The following ADGRA3 variants were observed in gnomAD, a reference collection of about 807,000 sequenced individuals.
ADGRA3 encodes the protein adhesion G protein-coupled receptor A3, also known as G-protein coupled receptor 125.
ADGRA3 carries 56 observed loss-of-function variants against 119.8 expected under a neutral mutation model. The ratio of observed to expected loss-of-function variants is 0.47; its 90% confidence interval spans 0.38 to 0.58. The LOEUF is 0.58. ADGRA3 is among the 20% of genes least tolerant of loss of function. The probability of loss-of-function intolerance (pLI) is 0.00; values close to 1 mark genes in which losing one functional copy is unlikely to be tolerated. For missense variants in ADGRA3, 1,516 were observed against 1,649.0 expected, an observed-to-expected ratio of 0.92 and a Z score of 1.40; for synonymous variants, 607 against 623.8, an observed-to-expected ratio of 0.97 and a Z score of 0.40.
At chr4:22,440,885 A>G in intron 7 of ADGRA3, among the ~76,000 whole-genome samples, 1 of 152,202 alleles carries the variant, frequency 6.6e-6, no homozygotes, top group East Asian at 1.9e-4. Flanking sequence ...ATCATTTCGA[A>G]CGATTAATCG....
At chr4:22,483,262 GC>G (rs1216896332) in intron 1 of ADGRA3, among the ~76,000 whole-genome samples, 1 of 151,992 alleles carries the variant, frequency 6.6e-6, no homozygotes, top group Admixed American at 6.6e-5. Flanking sequence ...CTTCCCTCTG[GC>G]ATGTGCTTCC....
At chr4:22,506,813 G>A (rs532300016) in intron 1 of ADGRA3, among the ~76,000 whole-genome samples, 9 of 152,164 alleles carry the variant, frequency 5.9e-5, no homozygotes, top group African/African-American at 2.2e-4. Flanking sequence ...GACTAAAATT[G>A]TGTGTATTTG....
intron 14 of ADGRA3, among the ~76,000 whole-genome samples, chr4:22,412,118 C>G (rs1014463004): frequency 4.6e-5 from 7 of 152,036 alleles, no homozygotes; most frequent in Admixed American, 1.3e-4. Flanking sequence ...AAAACATTTT[C>G]TAGAAAACAG....
chr4:22,403,429 C>T (rs1248242454), intron 14 of ADGRA3, among the ~76,000 whole-genome samples: 1 of 151,720 alleles, frequency 6.6e-6, no homozygotes, highest in Non-Finnish European at 1.5e-5. Context: ...GAGGAAGAGC[C>T]CTGTAAGAGC....
At chr4:22,421,282 G>C (rs971768057) in intron 11 of ADGRA3, among the ~76,000 whole-genome samples, 193 bp from the exon 12 acceptor site, 1 of 150,692 alleles carries the variant, frequency 6.6e-6, no homozygotes, top group African/African-American at 2.4e-5. Flanking sequence ...GGAATGAAAA[G>C]GATGTCCTAA....
At position 22,417,795 on chromosome 4, in the gene ADGRA3, T is replaced by C. The variant is rs1312816850; in HGVS notation, c.1809+3091A>G. Among the ~76,000 whole-genome samples, 3 of 151,424 alleles carry C rather than the reference T, an allele frequency of 2.0e-5. No individual in the cohort carries two copies. In the East Asian group the frequency reaches 5.8e-4, roughly 29 times the overall value. Reference sequence around the variant, plus strand: ...TCCAAAGGCAGTTTTAAAGGGAGAGTAGCAGGAATTTCACCAAGCAGGGAT... The same window carrying C: ...TCCAAAGGCAGTTTTAAAGGGAGAGCAGCAGGAATTTCACCAAGCAGGGAT... On this transcript the variant is annotated intron_variant, in intron 12 of 18. Transcript: ENST00000334304.
intron 16 of ADGRA3, chr4:22,394,616 T>C (rs2108997352): frequency 6.6e-6 from 1 of 152,300 alleles, no homozygotes; most frequent in Non-Finnish European, 1.5e-5. Flanking sequence ...TCAACTCTAC[T>C]ATTGCTGGAG....
chr4:22,506,122 A>G (rs1719228688), intron 1 of ADGRA3, among the ~76,000 whole-genome samples: 1 of 152,182 alleles, frequency 6.6e-6, no homozygotes, highest in African/African-American at 2.4e-5. Context: ...AGAACAAAAA[A>G]ACCAGGGGTG....
chr4:22,438,686 TCTC>T (rs1716492810), intron 7 of ADGRA3, among the ~76,000 whole-genome samples: 1 of 152,100 alleles, frequency 6.6e-6, no homozygotes, highest in Admixed American at 6.5e-5. Flanking sequence ...GCATGAGAAT[TCTC>T]CTTGCAGAAA....
At chr4:22,414,446 T>C (rs1715351736) in intron 12 of ADGRA3, 1 of 468,754 alleles carries the variant, frequency 2.1e-6, no homozygotes, top group South Asian at 4.3e-5. Flanking sequence ...TGAGGATTTT[T>C]AAATAACAAA....
At chr4:22,403,506 G>A (rs140463526) in intron 14 of ADGRA3, among the ~76,000 whole-genome samples, 212 of 152,150 alleles carry the variant, frequency 1.4e-3, no homozygotes, top group African/African-American at 4.9e-3. Context: ...AGGAGGCTGA[G>A]GTGGGCAGGC....
At chr4:22,459,140 G>A (rs1393015152) in intron 3 of ADGRA3, among the ~76,000 whole-genome samples, 1 of 151,264 alleles carries the variant, frequency 6.6e-6, no homozygotes, top group Non-Finnish European at 1.5e-5. Flanking sequence ...TATTTTACTT[G>A]CAAAAGCAAT....
chr4:22,410,594 G>A (rs1715151964), intron 14 of ADGRA3, among the ~76,000 whole-genome samples: 1 of 151,792 alleles, frequency 6.6e-6, no homozygotes, highest in South Asian at 2.1e-4. Context: ...ATATTAAGAT[G>A]GTATTCAAGA....
In ADGRA3 at chr4:22,387,574, A is replaced by G. The variant is rs1336852026; in HGVS notation, c.*131T>C. On this transcript the variant is annotated 3_prime_UTR_variant, in exon 19 of 19. Coordinates refer to ENST00000334304, the MANE Select transcript of ADGRA3 (RefSeq NM_145290.4). ...TTGGGGATAAAAATAAGTAAAATCC[A>G]AAACTTCAAAGTTTATTCCAAATTC... The G allele has an allele frequency of 3.4e-6, 3 of 893,948 alleles. No homozygotes were observed. Among genetic ancestry groups the G allele is most frequent in the African/African-American group, 3.3e-5 (2 of 59,736 alleles). 55.4% of individuals were successfully genotyped at this position (893,948 alleles called of 1,614,324 possible). A position where few individuals can be genotyped will look rare whatever the true frequency, so the allele number is the denominator to read the frequency against.
intron 10 of ADGRA3, among the ~76,000 whole-genome samples, chr4:22,431,177 G>A (rs991868575): frequency 6.6e-6 from 1 of 152,140 alleles, no homozygotes; most frequent in South Asian, 2.1e-4. Flanking sequence ...GTCCCTACTG[G>A]GGCACCAACT....
chr4:22,505,430 G>A lies in ADGRA3; in HGVS notation c.257+10098C>T, dbSNP rs1159148854. On this transcript the variant is annotated intron_variant, in intron 1 of 18. Coordinates refer to ENST00000334304, the MANE Select transcript of ADGRA3 (RefSeq NM_145290.4). ...CCAGTGCTTTGGGCAGCTGAGGTGG[G>A]CGGATCATTTGAGGGAAACCAACCT... Among the ~76,000 whole-genome samples the A allele has an allele frequency of 2.0e-5, 3 of 152,032 alleles. No individual in the cohort carries two copies. In the East Asian group the frequency reaches 5.8e-4, roughly 30 times the overall value.
intron 14 of ADGRA3, among the ~76,000 whole-genome samples, chr4:22,411,322 G>A (rs1263285175): frequency 2.6e-5 from 4 of 152,188 alleles, no homozygotes; most frequent in African/African-American, 9.7e-5. Context: ...AATTTAAAAG[G>A]TGGCAGTGGC....
At chr4:22,409,056 A>G (rs1225022570) in intron 14 of ADGRA3, among the ~76,000 whole-genome samples, 2 of 152,338 alleles carry the variant, frequency 1.3e-5, no homozygotes, top group East Asian at 3.9e-4. Context: ...AAACCTATCT[A>G]TAGTGAGAGA....
intron 14 of ADGRA3, among the ~76,000 whole-genome samples, chr4:22,410,545 A>C (rs1715149796): frequency 6.6e-6 from 1 of 152,166 alleles, no homozygotes; most frequent in Non-Finnish European, 1.5e-5. Context: ...TATGGACTAT[A>C]TCCCAAGATA....
Sources: gnomAD v4.1 joint callset for allele counts (sites outside exome capture counted in the v4.1 genomes callset) on GRCh38, gnomAD v4.1.1 for gene constraint, MANE v1.5 for transcripts, NCBI Gene and HGNC (gene_info 2026-07-23, HGNC 2026-07-21) for gene names.